The following EIF4ENIF1 variants were observed in gnomAD, a reference collection of about 807,000 sequenced individuals.
The protein encoded by EIF4ENIF1 is eukaryotic translation initiation factor 4E transporter.
EIF4ENIF1 carries 23 observed loss-of-function variants against 110.5 expected under a neutral mutation model. The ratio of observed to expected loss-of-function variants is 0.21; its 90% confidence interval spans 0.15 to 0.29. The LOEUF (loss-of-function observed/expected upper bound fraction) is 0.29, where lower values mean the gene tolerates loss of function less well. Ranked by LOEUF, EIF4ENIF1 falls within the 10% of genes least tolerant of loss-of-function variation. EIF4ENIF1 has a pLI of 1.00. For synonymous variants in EIF4ENIF1, 440 were observed against 437.0 expected (o/e 1.01, Z -0.09); for missense variants, 1,031 against 1,221.1 (o/e 0.84, Z 2.32).
Position 31,455,279 on chromosome 22 carries a change from G to A in EIF4ENIF1, c.1136C>T (p.Ser379Leu), listed in dbSNP as rs752932589. Residue 379 changes from serine (S) to leucine (L), a missense_variant, in exon 9 of 19, where the codon TCG (serine) becomes TTG (leucine). Physicochemically the swap from Ser to Leu is moderately radical, Grantham distance 145 (BLOSUM62 -2). Transcript: ENST00000330125. ...TGGTATAGGAGCAAAGTAATTCCCC[G>A]AGTTCTGTCCAGGAGAGAGGATGGC... ...EQAILSPGQN[S>L]GNYFAPIPLE... 14 of 1,611,116 alleles carry A rather than the reference G, an allele frequency of 8.7e-6. No homozygotes were observed. Among genetic ancestry groups the A allele is most frequent in the African/African-American group, 6.7e-5 (5 of 74,828 alleles).
At chr22:31,458,371 C>T in intron 7 of EIF4ENIF1, 104 bp downstream of exon 7, 1 of 1,041,528 alleles carries the variant, frequency 9.6e-7, no homozygotes, top group South Asian at 3.5e-5. Context: ...GAATAAAAGC[C>T]AAAAACCCCA....
chr22:31,470,164 CAAAAAAAA>C (rs61046632), intron 3 of EIF4ENIF1, among the ~76,000 whole-genome samples: 2 of 98,440 alleles, frequency 2.0e-5, no homozygotes, highest in African/African-American at 7.8e-5. Context: ...AACTCCACCT[CAAAAAAAA>C]AAAAAAAAAA....
chr22:31,490,223 G>T (rs913282871), upstream of EIF4ENIF1, among the ~76,000 whole-genome samples: 3 of 152,266 alleles, frequency 2.0e-5, no homozygotes, highest in African/African-American at 7.2e-5. Context: ...GCTAGATGGG[G>T]CTGGGCTGGC....
intron 4 of EIF4ENIF1, among the ~76,000 whole-genome samples, chr22:31,465,178 C>G (rs1213044295): frequency 1.3e-5 from 2 of 151,736 alleles, no homozygotes; most frequent in African/African-American, 4.8e-5. Flanking sequence ...ACAAAATTAG[C>G]CAGGCGTGGT....
At chr22:31,484,793 T>C (rs578015353) in intron 2 of EIF4ENIF1, among the ~76,000 whole-genome samples, 3 of 152,108 alleles carry the variant, frequency 2.0e-5, no homozygotes, top group Admixed American at 6.6e-5. Flanking sequence ...GATGGCGCCA[T>C]TGCACTCCAG....
intron 4 of EIF4ENIF1, among the ~76,000 whole-genome samples, chr22:31,467,118 G>A (rs140687926): frequency 1.4e-3 from 218 of 152,274 alleles, no homozygotes; most frequent in Admixed American, 4.6e-3. Flanking sequence ...ATACACCGAA[G>A]TTTACGCGAC....
intron 2 of EIF4ENIF1, among the ~76,000 whole-genome samples, chr22:31,484,989 T>C (rs1329429829): frequency 6.6e-6 from 1 of 152,208 alleles, no homozygotes; most frequent in Non-Finnish European, 1.5e-5. Flanking sequence ...ATTCCAGTTG[T>C]GGAACTAACA....
At chr22:31,450,430 A>G (rs2050610894) in intron 10 of EIF4ENIF1, 70 bp from the exon 11 acceptor site, 2 of 1,264,828 alleles carry the variant, frequency 1.6e-6, no homozygotes, top group Middle Eastern at 1.9e-4. Flanking sequence ...ATTGGGGACC[A>G]CAAGAAAGCA....
chr22:31,475,269 A>T (rs1051605684), intron 2 of EIF4ENIF1, among the ~76,000 whole-genome samples: 1 of 81,572 alleles, frequency 1.2e-5, no homozygotes, highest in Non-Finnish European at 3.0e-5. Context: ...AAAATTCTGA[A>T]AAAAAACTGT....
chr22:31,442,173 C>T, intron 16 of EIF4ENIF1, 55 bp from the exon 17 acceptor site: 1 of 1,330,684 alleles, frequency 7.5e-7, no homozygotes, highest in South Asian at 1.3e-5. Flanking sequence ...ACACTTGTGG[C>T]CTCCCACTGG....
upstream of EIF4ENIF1, among the ~76,000 whole-genome samples, chr22:31,491,019 CA>C (rs1339152293): frequency 6.6e-6 from 1 of 152,150 alleles, no homozygotes; most frequent in Non-Finnish European, 1.5e-5. Flanking sequence ...GTGTTTCTTA[CA>C]AACTGTTTTT....
At chr22:31,447,658 C>A in intron 13 of EIF4ENIF1, 93 bp from the exon 14 acceptor site, 4 of 1,411,024 alleles carry the variant, frequency 2.8e-6, no homozygotes, top group African/African-American at 1.4e-5. Context: ...GTATGTTAAG[C>A]AGAAGCTGAA....
chr22:31,446,289 A>AAAAAAAAG (rs1424614860), intron 14 of EIF4ENIF1, among the ~76,000 whole-genome samples: 1 of 151,668 alleles, frequency 6.6e-6, no homozygotes, highest in East Asian at 1.9e-4. Context: ...TGTCTCCAAA[A>AAAAAAAAG]AAAAAAAAAA....
rs755958296 is a variant in EIF4ENIF1 at position 31,463,712 on chromosome 22, C to T, written c.554G>A (p.Arg185Gln). ...ACGCTTGTCCTTGAAGTCCCTCTCT[C>T]GGTCTCTGTCTCTCAAGTCCCGCAG... is the stretch of plus-strand genomic sequence containing the variant. ...KDLRDLRDRD[R>Q]ERDFKDKRFR... Residue 185 changes from arginine (R) to glutamine (Q), a missense_variant, in exon 5 of 19, where the codon CGA becomes CAA. Arg to Gln is a conservative substitution (Grantham distance 43). This residue lies in a region of EIF4ENIF1 where 704 missense variants were observed against 879.7 expected (regional missense o/e 0.80). Transcript: ENST00000330125. The T allele has an allele frequency of 5.0e-5, 81 of 1,613,114 alleles. No individual in the cohort carries two copies. Among genetic ancestry groups the T allele is most frequent in the Non-Finnish European group, 6.6e-5 (78 of 1,179,770 alleles).
intron 2 of EIF4ENIF1, 104 bp from the exon 3 acceptor site, chr22:31,472,021 A>T: frequency 1.2e-6 from 1 of 860,354 alleles, no homozygotes; most frequent in Non-Finnish European, 1.8e-6. Context: ...AACACTTCAC[A>T]CAATTCTTAT....
intron 2 of EIF4ENIF1, among the ~76,000 whole-genome samples, chr22:31,483,634 C>T (rs2051911146): frequency 6.6e-6 from 1 of 152,068 alleles, no homozygotes; most frequent in South Asian, 2.1e-4. Context: ...TGAGAAGAGG[C>T]CTGAGATTTG....
downstream of EIF4ENIF1, chr22:31,437,422 G>T (rs1461018359): frequency 6.6e-6 from 1 of 151,172 alleles, no homozygotes; most frequent in East Asian, 1.9e-4. Flanking sequence ...GCTCCTTGAA[G>T]ACTGCATTAA....
At chr22:31,478,188 T>G (rs2051662335) in intron 2 of EIF4ENIF1, among the ~76,000 whole-genome samples, 1 of 152,070 alleles carries the variant, frequency 6.6e-6, no homozygotes, top group Non-Finnish European at 1.5e-5. Flanking sequence ...GATCCCCTAC[T>G]TAAGTGGGGA....
upstream of EIF4ENIF1, among the ~76,000 whole-genome samples, chr22:31,490,090 C>T (rs1357803815): frequency 6.6e-6 from 1 of 152,150 alleles, no homozygotes; most frequent in Non-Finnish European, 1.5e-5. Flanking sequence ...CTCCCGTGCG[C>T]GCAGGCGGTC....
Sources: gnomAD v4.1 joint callset for allele counts (sites outside exome capture counted in the v4.1 genomes callset) on GRCh38, gnomAD v4.1.1 for gene constraint, gnomAD v4.1.1 regional missense constraint, MANE v1.5 for transcripts, NCBI Gene and HGNC (gene_info 2026-07-23, HGNC 2026-07-21) for gene names.